Variants in HMCN2 observed in about 807,000 individuals in gnomAD.
HMCN2 encodes hemicentin 2.
Under a neutral mutation model 377.5 loss-of-function variants are expected in HMCN2, and 325 were observed. That is an observed-to-expected ratio of 0.86 (90% CI 0.79 to 0.94). HMCN2 has a LOEUF of 0.94. Among genes scored for constraint, HMCN2 ranks in the 40% least tolerant of loss-of-function variants. The probability of loss-of-function intolerance (pLI) is 0.00; values close to 1 mark genes in which losing one functional copy is unlikely to be tolerated. For synonymous variants in HMCN2, 2,007 were observed against 2,046.8 expected, an observed-to-expected ratio of 0.98 and a Z score of 0.53; for missense variants, 4,543 against 4,725.3, an observed-to-expected ratio of 0.96 and a Z score of 1.13.
In HMCN2 at chr9:130,352,936, C is replaced by G. The variant is rs1422583244; in HGVS notation, c.4595C>G (p.Thr1532Ser). 3.9e-6 allele frequency: 5 copies of G among 1,282,270 alleles called. No homozygotes were observed. The highest frequency in any genetic ancestry group is 5.1e-6 in the Non-Finnish European group (5 of 976,560). 79.4% of individuals were successfully genotyped at this position (1,282,270 alleles called of 1,614,324 possible). A position where few individuals can be genotyped will look rare whatever the true frequency, so the allele number is the denominator to read the frequency against. ...CCTCTTTCCTTCTCAGCGCCCCCCA[C>G]TATCTGGGGCTCCAACGAGACAGGC... is the stretch of plus-strand genomic sequence containing the variant. ...DFQLRVHAPP[T>S]IWGSNETGEV... The change falls in exon 31 of 98, where the codon ACT (threonine) becomes AGT (serine). Residue 1532 changes from threonine (T) to serine (S), a missense_variant. By Grantham distance (58) the Thr-to-Ser change is moderately conservative (BLOSUM62 1). Transcript: ENST00000683500.
intron 49 of HMCN2, among the ~76,000 whole-genome samples, chr9:130,375,244 C>T (rs991816783): frequency 6.6e-6 from 1 of 152,238 alleles, no homozygotes; most frequent in Admixed American, 6.5e-5. Flanking sequence ...CCACTCCCCC[C>T]TCAAACAGAA....
intron 85 of HMCN2, among the ~76,000 whole-genome samples, chr9:130,418,414 A>G (rs1843808360): frequency 6.6e-6 from 1 of 152,098 alleles, no homozygotes; most frequent in Non-Finnish European, 1.5e-5. Flanking sequence ...TACAAAAATC[A>G]GCCAGGTGTG....
chr9:130,378,071 A>G (rs753155627), intron 53 of HMCN2, among the ~76,000 whole-genome samples: 39 of 152,094 alleles, frequency 2.6e-4, no homozygotes, highest in Non-Finnish European at 5.1e-4. Context: ...CCACACTCTT[A>G]GCCCCTCTGC....
At chr9:130,321,990 G>A (rs1313218854) in intron 19 of HMCN2, 59 bp downstream of exon 19, 5 of 152,124 alleles carry the variant, frequency 3.3e-5, no homozygotes, top group Non-Finnish European at 7.4e-5. Context: ...TGGGGTGGGG[G>A]AATGTGCAGA....
At chr9:130,293,568 G>A (rs1835934471) in intron 4 of HMCN2, among the ~76,000 whole-genome samples, 3 of 152,190 alleles carry the variant, frequency 2.0e-5, no homozygotes, top group Admixed American at 6.5e-5. Context: ...TGCAAAGGAG[G>A]AGGTGTGAGC....
At position 130,403,863 on chromosome 9, in the gene HMCN2, C is replaced by A. The variant is rs1271242328; in HGVS notation, c.12136C>A (p.Leu4046Met). 2 of 1,289,238 alleles carry A rather than the reference C, an allele frequency of 1.6e-6. No individual in the cohort carries two copies. The highest frequency in any genetic ancestry group is 2.0e-6 in the Non-Finnish European group (2 of 988,578). 79.9% of individuals were successfully genotyped at this position (1,289,238 alleles called of 1,614,324 possible). A position where few individuals can be genotyped will look rare whatever the true frequency, so the allele number is the denominator to read the frequency against. The change falls in exon 80 of 98, where the codon CTG (leucine) becomes ATG (methionine). Residue 4046 changes from leucine (L) to methionine (M), a missense_variant. Around this residue, in one of 5 missense-constraint regions of HMCN2, gnomAD observed 1,073 missense variants for 1,319.5 expected, o/e 0.81. Coordinates refer to ENST00000683500, the MANE Select transcript of HMCN2 (RefSeq NM_001291815.2). ...SAGSAMGKTRLVVQVPPVIEN... is the reference protein window; with the variant it reads ...SAGSAMGKTRMVVQVPPVIEN... ...GGGCAGTGCCATGGGGAAGACGCGG[C>A]TGGTGGTGCAAGGTGGGAGTGAGGA...
rs868965821 is a variant in HMCN2 at position 130,285,216 on chromosome 9, C to G, written c.389C>G (p.Ala130Gly). 2.1e-6 allele frequency: 1 copy of G among 471,132 alleles called. No individual in the cohort carries two copies. The highest frequency in any genetic ancestry group is 1.5e-5 in the South Asian group (1 of 64,568). The allele number at this position is 471,132 out of a possible 1,614,324, so 29.2% of individuals were successfully genotyped here. Reference sequence around the variant, plus strand: ...GCCATTAAGGCTGCCGTGGAGGTTGCCAACCCCGGATCCTTCATCTACGTC... The same window carrying G: ...GCCATTAAGGCTGCCGTGGAGGTTGGCAACCCCGGATCCTTCATCTACGTC... ...VGAIKAAVEV[A>G]NPGSFIYVFS... Residue 130 changes from alanine to glycine, a missense_variant, in exon 3 of 98, where the codon GCC becomes GGC. Ala to Gly is a moderately conservative substitution (Grantham distance 60). Transcript: ENST00000683500.
At chr9:130,275,745 C>T (rs1467160972) in intron 1 of HMCN2, among the ~76,000 whole-genome samples, 2 of 152,272 alleles carry the variant, frequency 1.3e-5, no homozygotes, top group South Asian at 2.1e-4. Context: ...CCACCACGCC[C>T]GGCCGTGACA....
rs976176787 is a variant in HMCN2 at position 130,384,354 on chromosome 9, G to A, written c.8831-19G>A. On this transcript the variant is annotated intron_variant, in intron 57 of 97. Coordinates refer to ENST00000683500, the MANE Select transcript of HMCN2 (RefSeq NM_001291815.2). ...TGTGATTCTCATGCCTTTCTCTACC[G>A]TGGTGGCTGTGGGGATAGTCCCGCC... 2.3e-5 allele frequency: 30 copies of A among 1,284,490 alleles called. No homozygotes were observed. Among genetic ancestry groups the A allele is most frequent in the African/African-American group, 7.6e-5 (5 of 65,666 alleles). The allele number at this position is 1,284,490 out of a possible 1,614,324, so 79.6% of individuals were successfully genotyped here.
Position 130,414,770 on chromosome 9 carries a change from T to TTTTTATTTTTATG in HMCN2, c.12962-4000_12962-3988dup, listed in dbSNP as rs1843599695. ...GGCACGTGCCACCACACCCGGCTAA[T>TTTTTATTTTTATG]TTTTATTTTTATGTATTTATTTTTT... On this transcript the variant is annotated intron_variant, in intron 85 of 97. Coordinates refer to ENST00000683500, the MANE Select transcript of HMCN2 (RefSeq NM_001291815.2). This position sits in a 1 kb window ranked among gnomAD's most constrained non-coding sequence, Gnocchi z 4.4. Among the ~76,000 whole-genome samples the TTTTTATTTTTATG allele has an allele frequency of 2.0e-5, 3 of 151,988 alleles. No homozygotes were observed. The highest frequency in any genetic ancestry group is 7.3e-5 in the African/African-American group (3 of 41,362).
rs907115763 is a variant in HMCN2 at position 130,309,382 on chromosome 9, G to T, written c.2201-530G>T. On this transcript the variant is annotated intron_variant, in intron 14 of 97. Coordinates refer to ENST00000683500, the MANE Select transcript of HMCN2 (RefSeq NM_001291815.2). ...TATAAAAAATTAGCTGAGTGTGGTGGTGTGTGCCTATAATCCCAGATACTT... is the reference window on the plus strand; with the variant it reads ...TATAAAAAATTAGCTGAGTGTGGTGTTGTGTGCCTATAATCCCAGATACTT... Among the ~76,000 whole-genome samples the T allele has an allele frequency of 6.6e-5, 10 of 151,970 alleles. No individual in the cohort carries two copies. In the East Asian group the frequency reaches 1.9e-3, roughly 29 times the overall value.
chr9:130,296,735 C>A lies in HMCN2; in HGVS notation c.953C>A (p.Ala318Asp). The A allele has an allele frequency of 2.1e-6, 1 of 471,186 alleles. No individual in the cohort carries two copies. The highest frequency in any genetic ancestry group is 4.4e-6 in the Non-Finnish European group (1 of 227,064). 29.2% of individuals were successfully genotyped at this position (471,186 alleles called of 1,614,324 possible). Residue 318 changes from alanine to aspartate, a missense_variant, in exon 7 of 98, where the codon GCC becomes GAC. By Grantham distance (126) the Ala-to-Asp change is moderately radical. Transcript: ENST00000683500. ...GGCGTCAGCAACATTGACTTCCGAG[C>A]CGGCTTCTCCACTCAGCCCTTGCTG... ...ITGVSNIDFR[A>D]GFSTQPLLDL...
chr9:130,389,180 G>A (rs1293552476), intron 62 of HMCN2, among the ~76,000 whole-genome samples: 4 of 152,192 alleles, frequency 2.6e-5, no homozygotes, highest in Non-Finnish European at 4.4e-5. Flanking sequence ...TGCGCTAAAC[G>A]TGGCTGTGCT....
At chr9:130,418,703 A>G (rs1843822493) in intron 85 of HMCN2, 69 bp from the exon 86 acceptor site, 1 of 1,297,626 alleles carries the variant, frequency 7.7e-7, no homozygotes, top group South Asian at 2.4e-5. Context: ...GTGTGTCTAA[A>G]TGAACATATC....
chr9:130,419,032 G>T lies in HMCN2; in HGVS notation c.13222G>T (p.Val4408Phe), dbSNP rs1304036617. ...LGSATARAFL[V>F]VRGEPQGSWG... ...CTCTGCCACAGCCCGGGCGTTCCTG[G>T]TCGTGAGAGGTATGGGGCATCCCTG... The change falls in exon 86 of 98, where the codon GTC becomes TTC. Residue 4408 changes from valine to phenylalanine, a missense_variant. By Grantham distance (50) the Val-to-Phe change is conservative. Transcript: ENST00000683500. 6.7e-7 allele frequency: 1 copy of T among 1,489,798 alleles called. No individual in the cohort carries two copies. The allele number at this position is 1,489,798 out of a possible 1,614,324, so 92.3% of individuals were successfully genotyped here.
At chr9:130,307,200 GGA>G (rs1836920852) in intron 13 of HMCN2, among the ~76,000 whole-genome samples, 1 of 152,120 alleles carries the variant, frequency 6.6e-6, no homozygotes, top group Non-Finnish European at 1.5e-5. Flanking sequence ...TGGGGGCGAG[GGA>G]GAAGCGGCTG....
At position 130,312,504 on chromosome 9, in the gene HMCN2, T is replaced by TCTCTCTCTCTCCCTCCCTCC. The variant is rs1564775123; in HGVS notation, c.2350+2443_2350+2444insCTCTCTCTCTCCCTCCCTCC. Among the ~76,000 whole-genome samples, 20 of 22,024 alleles carry TCTCTCTCTCTCCCTCCCTCC rather than the reference T, an allele frequency of 9.1e-4. 1 individual carries two copies. The highest frequency in any genetic ancestry group is 2.0e-3 in the African/African-American group (19 of 9,376). 14.4% of individuals were successfully genotyped at this position (22,024 alleles called of 152,430 possible). ...TTCTTTCTCTCTCTCTCTTTCTTTC[T>TCTCTCTCTCTCCCTCCCTCC]GTCCCTCCCTCCCTCCCTCCCTCCC... On this transcript the variant is annotated intron_variant, in intron 15 of 97. Coordinates refer to ENST00000683500, the MANE Select transcript of HMCN2 (RefSeq NM_001291815.2).
intron 83 of HMCN2, 60 bp from the exon 84 acceptor site, chr9:130,408,683 G>A: frequency 1.6e-6 from 2 of 1,214,106 alleles, no homozygotes; most frequent in South Asian, 2.7e-5. Context: ...GGGGTTTATG[G>A]GAGGCTGAGC....
At chr9:130,370,115 C>T (rs934100243) in intron 45 of HMCN2, among the ~76,000 whole-genome samples, 2 of 152,166 alleles carry the variant, frequency 1.3e-5, no homozygotes, top group African/African-American at 2.4e-5. Context: ...TTCCTCTACT[C>T]TGTTCTGGGC....
Sources: allele counts gnomAD v4.1 joint callset (sites outside exome capture counted in the v4.1 genomes callset), GRCh38; gene constraint gnomAD v4.1.1; regional missense constraint gnomAD v4.1.1; non-coding constraint Gnocchi (gnomAD v3.1); transcripts MANE v1.5; gene names NCBI Gene and HGNC (gene_info 2026-07-23, HGNC 2026-07-21).